TMEM108: variants seen among roughly 807,000 people sequenced by gnomAD.
TMEM108 encodes the protein cancer/testis antigen 124.
TMEM108 carries 12 observed loss-of-function variants against 35.1 expected under a neutral mutation model. The observed-to-expected ratio is 0.34, with a 90% CI of 0.22 to 0.55. TMEM108 has a LOEUF of 0.55. Among genes scored for constraint, TMEM108 ranks in the 20% least tolerant of loss-of-function variants. The pLI is 0.89. For missense variants in TMEM108, 680 were observed against 753.3 expected (o/e 0.90, Z 1.14); for synonymous variants, 287 against 308.6 (o/e 0.93, Z 0.73).
intron 2 of TMEM108, among the ~76,000 whole-genome samples, chr3:133,192,536 G>A (rs551501622): frequency 6.6e-6 from 1 of 152,260 alleles, no homozygotes; most frequent in South Asian, 2.1e-4. Context: ...ATAATGAACT[G>A]AGAGGAATGT....
chr3:133,042,839 A>G (rs1280086474), intron 1 of TMEM108, among the ~76,000 whole-genome samples: 1 of 152,212 alleles, frequency 6.6e-6, no homozygotes. Flanking sequence ...TCCCTTCTCC[A>G]ATGCTGCTTT....
At chr3:133,155,238 AT>A (rs1944863095) in intron 2 of TMEM108, among the ~76,000 whole-genome samples, 1 of 152,112 alleles carries the variant, frequency 6.6e-6, no homozygotes, top group South Asian at 2.1e-4. Context: ...TATATACCAC[AT>A]TTCCTTTATC....
At chr3:133,066,372 G>A (rs1002182243) in intron 2 of TMEM108, among the ~76,000 whole-genome samples, 1 of 151,644 alleles carries the variant, frequency 6.6e-6, no homozygotes, top group Non-Finnish European at 1.5e-5. Flanking sequence ...GATTTAGGAT[G>A]GTTTACAAAG....
intron 2 of TMEM108, among the ~76,000 whole-genome samples, chr3:133,132,672 ATTTCAAC>A (rs1223637486): frequency 1.5e-4 from 23 of 152,326 alleles, no homozygotes; most frequent in African/African-American, 5.3e-4. Flanking sequence ...TCAAGGAATA[ATTTCAAC>A]TTTCAAGTCT....
chr3:133,114,875 G>C (rs1403632128), intron 2 of TMEM108, among the ~76,000 whole-genome samples: 1 of 152,020 alleles, frequency 6.6e-6, no homozygotes, highest in African/African-American at 2.4e-5. Flanking sequence ...GAATACATTG[G>C]GAAAAACACC....
chr3:133,257,140 T>A (rs1946559445), intron 3 of TMEM108: 1 of 152,208 alleles, frequency 6.6e-6, no homozygotes, highest in Admixed American at 6.5e-5. Flanking sequence ...CTCTTAATAT[T>A]CATAACCTAA....
rs561958965 is a variant in TMEM108 at position 133,310,635 on chromosome 3, G to A, written c.41-69117G>A. ...TGTGTGTCTCTGCACATTGAGGTGG[G>A]TCTCCTGAATACAGCACACTGATGA... On this transcript the variant is annotated intron_variant, in intron 3 of 5. Coordinates refer to ENST00000321871, the MANE Select transcript of TMEM108 (RefSeq NM_023943.4). Among the ~76,000 whole-genome samples the A allele has an allele frequency of 7.0e-5, 10 of 143,742 alleles. No homozygotes were observed. In the East Asian group the frequency reaches 1.9e-3, roughly 27 times the overall value. The allele number at this position is 143,742 out of a possible 152,430, so 94.3% of individuals were successfully genotyped here.
intron 3 of TMEM108, among the ~76,000 whole-genome samples, chr3:133,361,325 C>T (rs1284258211): frequency 6.6e-6 from 1 of 152,166 alleles, no homozygotes; most frequent in Non-Finnish European, 1.5e-5. Context: ...TGCTACATTC[C>T]AGCTGTGAAG....
At chr3:133,360,466 CAGA>C (rs543337956) in intron 3 of TMEM108, among the ~76,000 whole-genome samples, 116 of 152,264 alleles carry the variant, frequency 7.6e-4, no homozygotes, top group African/African-American at 2.6e-3. Context: ...CAGTTGATTG[CAGA>C]AGGTTACTGT....
intron 3 of TMEM108, among the ~76,000 whole-genome samples, chr3:133,295,836 G>C (rs1007505278): frequency 3.9e-5 from 6 of 152,174 alleles, no homozygotes; most frequent in African/African-American, 1.4e-4. Flanking sequence ...CAGCATTGCA[G>C]CTGGGCCCGC....
Position 133,181,008 on chromosome 3 carries a change from T to TA in TMEM108, c.-46-48228dup, listed in dbSNP as rs369228472. ...TGTACTGGCTATTGGGCAGTTGTGT[T>TA]AAAAAAAAAAAAAAAAAAAAAAAAA... is the stretch of plus-strand genomic sequence containing the variant. On this transcript the variant is annotated intron_variant, in intron 2 of 5. Transcript: ENST00000321871. Among the ~76,000 whole-genome samples, 98 of 75,848 alleles carry TA rather than the reference T, an allele frequency of 1.3e-3. 2 individuals carry two copies. The highest frequency in any genetic ancestry group is 2.0e-3 in the African/African-American group (40 of 19,528). 49.8% of individuals were successfully genotyped at this position (75,848 alleles called of 152,430 possible).
chr3:133,356,372 A>G (rs1390270414), intron 3 of TMEM108, among the ~76,000 whole-genome samples: 2 of 152,226 alleles, frequency 1.3e-5, no homozygotes, highest in East Asian at 3.8e-4. Flanking sequence ...GGGAAGAATC[A>G]ATATTGTGAA....
chr3:133,200,096 G>A (rs369435976), intron 2 of TMEM108, among the ~76,000 whole-genome samples: 66 of 152,262 alleles, frequency 4.3e-4, no homozygotes, highest in African/African-American at 1.3e-3. Context: ...CTGGTGTGCC[G>A]TTTGCTAAGA....
intron 2 of TMEM108, among the ~76,000 whole-genome samples, chr3:133,105,879 G>A (rs1409136806): frequency 6.6e-6 from 1 of 152,130 alleles, no homozygotes; most frequent in Non-Finnish European, 1.5e-5. Flanking sequence ...CTCTGTTATA[G>A]CCTGTGTACC....
At chr3:133,227,091 G>A (rs868064259) in intron 2 of TMEM108, among the ~76,000 whole-genome samples, 3 of 152,080 alleles carry the variant, frequency 2.0e-5, no homozygotes, top group Non-Finnish European at 2.9e-5. Context: ...ACAACATGTG[G>A]GAATTCAAGA....
chr3:133,099,943 C>T (rs1210581121), intron 2 of TMEM108, among the ~76,000 whole-genome samples: 1 of 152,224 alleles, frequency 6.6e-6, no homozygotes, highest in Non-Finnish European at 1.5e-5. Flanking sequence ...GTCGCTTCCA[C>T]ATTTTTGGGT....
chr3:133,389,916 T>TTGA (rs33928925), intron 4 of TMEM108, among the ~76,000 whole-genome samples: 70,585 of 151,100 alleles, frequency 0.47, 16,568 homozygotes, highest in East Asian at 0.55. Flanking sequence ...ACAGGATTTT[T>TTGA]TGATGATGAT....
intron 2 of TMEM108, among the ~76,000 whole-genome samples, chr3:133,096,233 A>C (rs1262692648): frequency 1.3e-5 from 2 of 152,170 alleles, no homozygotes; most frequent in African/African-American, 2.4e-5. Context: ...ATCATGGCTC[A>C]CTGCAGCCTT....
In TMEM108 at chr3:133,380,182, C is replaced by A. The variant is rs533543383; in HGVS notation, c.471C>A (p.Pro157=). The A allele has an allele frequency of 6.2e-7, 1 of 1,611,976 alleles. No individual in the cohort carries two copies. The highest frequency in any genetic ancestry group is 8.5e-7 in the Non-Finnish European group (1 of 1,178,962). ...PGATSRPTTA[P]PRTTTRRPPR... ...CCACCAGCCGCCCCACCACAGCGCC[C>A]CCCCGCACTACCACACGCAGGCCCC... Residue 157 remains proline (P), a synonymous_variant, in exon 4 of 6, where the codon CCC becomes CCA. Coordinates refer to ENST00000321871, the MANE Select transcript of TMEM108 (RefSeq NM_023943.4). The surrounding 1 kb of genome is among the most constrained non-coding windows in gnomAD (Gnocchi z 5.3).
Sources: gnomAD v4.1 joint callset for allele counts (sites outside exome capture counted in the v4.1 genomes callset) on GRCh38, gnomAD v4.1.1 for gene constraint, Gnocchi (gnomAD v3.1) non-coding constraint, MANE v1.5 for transcripts, NCBI Gene and HGNC (gene_info 2026-07-23, HGNC 2026-07-21) for gene names.